The following MUC4 variants were observed in gnomAD, a reference collection of about 807,000 sequenced individuals.
The protein encoded by MUC4 is mucin 4, cell surface associated.
MUC4 carries 202 observed loss-of-function variants against 257.9 expected under a neutral mutation model. That is an observed-to-expected ratio of 0.78 (90% confidence interval 0.70 to 0.88). The LOEUF is 0.88. MUC4 is among the 40% of genes least tolerant of loss of function. The pLI is 0.00. For synonymous variants in MUC4, 2,351 were observed against 2,757.1 expected (o/e 0.85, Z 4.62); for missense variants, 5,976 against 6,513.7 (o/e 0.92, Z 2.84).
intron 7 of MUC4, among the ~76,000 whole-genome samples, chr3:195,768,531 G>A (rs750992116): frequency 2.6e-5 from 4 of 152,218 alleles, no homozygotes; most frequent in Non-Finnish European, 5.9e-5. Flanking sequence ...AGATGTCTGG[G>A]TTCAAATCTC....
At position 195,757,570 on chromosome 3, in the gene MUC4, G is replaced by T. The variant is rs1357776261; in HGVS notation, c.14987-242C>A. 2.0e-5 allele frequency among the ~76,000 whole-genome samples: 3 copies of T among 152,178 alleles called. No homozygotes were observed. The highest frequency in any genetic ancestry group is 7.2e-5 in the African/African-American group (3 of 41,436). ...AGCGGGGAACGCCACAGAGGGGAAA[G>T]CAGTTTCCTCCTGAAGAAACCCCAA... On this transcript the variant is annotated intron_variant, in intron 17 of 24. Coordinates refer to ENST00000463781, the MANE Select transcript of MUC4 (RefSeq NM_018406.7). The surrounding 1 kb of genome is among the most constrained non-coding windows in gnomAD (Gnocchi z 4.8).
At position 195,755,653 on chromosome 3, in the gene MUC4, C is replaced by G. The variant is rs999548819; in HGVS notation, c.15169-1281G>C. On this transcript the variant is annotated intron_variant, in intron 18 of 24. Coordinates refer to ENST00000463781, the MANE Select transcript of MUC4 (RefSeq NM_018406.7). This position sits in a 1 kb window ranked among gnomAD's most constrained non-coding sequence, Gnocchi z 5.0. ...TTCTAACTCCCTTACTGAAGCGACT[C>G]GGGGAATCTCCCTAAAATGGAATCC... Among the ~76,000 whole-genome samples the G allele has an allele frequency of 4.6e-5, 7 of 152,228 alleles. No individual in the cohort carries two copies. In the East Asian group the frequency reaches 1.2e-3, roughly 25 times the overall value.
Position 195,789,416 on chromosome 3 carries a change from C to G in MUC4, c.2164G>C (p.Ala722Pro). The change falls in exon 2 of 25, where the codon GCC becomes CCC. Residue 722 changes from alanine (A) to proline (P), a missense_variant. Coordinates refer to ENST00000463781, the MANE Select transcript of MUC4 (RefSeq NM_018406.7). ...ALQAAPSSHDATLGPSGGTSL... is the reference protein window; with the variant it reads ...ALQAAPSSHDPTLGPSGGTSL... ...GTGCCTCCTGAGGGCCCCAGGGTGG[C>G]ATCATGGCTGCTGGGTGCTGCCTGC... The G allele has an allele frequency of 6.2e-7, 1 of 1,613,934 alleles. No individual in the cohort carries two copies. The highest frequency in any genetic ancestry group is 8.5e-7 in the Non-Finnish European group (1 of 1,179,860).
intron 24 of MUC4, among the ~76,000 whole-genome samples, chr3:195,748,268 G>A (rs1248405028): frequency 6.6e-6 from 1 of 152,252 alleles, no homozygotes; most frequent in Non-Finnish European, 1.5e-5. Context: ...TCAGGTGGGA[G>A]GGTTTGACTT....
In MUC4 at chr3:195,765,348, A is replaced by T; in HGVS notation, c.13720T>A (p.Trp4574Arg). The T allele has an allele frequency of 6.2e-7, 1 of 1,613,730 alleles. No homozygotes were observed. The highest frequency in any genetic ancestry group is 8.5e-7 in the Non-Finnish European group (1 of 1,180,014). Residue 4574 changes from tryptophan to arginine, a missense_variant, in exon 9 of 25, where the codon TGG becomes AGG. Trp to Arg is a moderately radical substitution (Grantham distance 101). Transcript: ENST00000463781. ...WLKSQPRWPS[W>R]GWNQVSCPCS... ...GGGCAGGAGACCTGGTTCCAGCCCCAGCTGGGCCACCGAGGCTGGCTCTTC... is the reference window on the plus strand; with the variant it reads ...GGGCAGGAGACCTGGTTCCAGCCCCTGCTGGGCCACCGAGGCTGGCTCTTC...
chr3:195,793,134 GA>G (rs1316395675), intron 1 of MUC4, among the ~76,000 whole-genome samples: 1 of 143,448 alleles, frequency 7.0e-6, no homozygotes, highest in African/African-American at 2.6e-5. Context: ...AAGTAAAAAT[GA>G]AAAGAAATAA....
chr3:195,778,698 T>G (rs557103142), intron 2 of MUC4, 92 bp downstream of exon 2: 3 of 1,407,846 alleles, frequency 2.1e-6, no homozygotes, highest in Admixed American at 4.3e-5. Context: ...CACCAGGTAA[T>G]GCGAATGCAC....
Position 195,789,617 on chromosome 3 carries a change from C to A in MUC4, c.1963G>T (p.Val655Phe), listed in dbSNP as rs750630374. 3.1e-6 allele frequency: 5 copies of A among 1,613,868 alleles called. No homozygotes were observed. Among genetic ancestry groups the A allele is most frequent in the Non-Finnish European group, 4.2e-6 (5 of 1,179,860 alleles). ...GTCTTGGTGTCAGTCATGGGGGAGACGGACCTCGTGGTTTGTGATTCTTGT... is the reference window on the plus strand; with the variant it reads ...GTCTTGGTGTCAGTCATGGGGGAGAAGGACCTCGTGGTTTGTGATTCTTGT... ...TTQESQTTRSVSPMTDTKTVT... is the reference protein window; with the variant it reads ...TTQESQTTRSFSPMTDTKTVT... The change falls in exon 2 of 25, where the codon GTC becomes TTC. Residue 655 changes from valine (V) to phenylalanine (F), a missense_variant. Transcript: ENST00000463781.
rs112358974 is a variant in MUC4 at position 195,757,518 on chromosome 3, G to A, written c.14987-190C>T. On this transcript the variant is annotated intron_variant, in intron 17 of 24. Transcript: ENST00000463781. The surrounding 1 kb of genome is among the most constrained non-coding windows in gnomAD (Gnocchi z 4.8). Reference sequence around the variant, plus strand: ...TGGTCACGCTCCCAGCTGGAAGGACGTGGCACCAGTCCAACATACTGATTG... The same window carrying A: ...TGGTCACGCTCCCAGCTGGAAGGACATGGCACCAGTCCAACATACTGATTG... Among the ~76,000 whole-genome samples, 1,065 of 152,148 alleles carry A rather than the reference G, an allele frequency of 7.0e-3. 13 individuals carry two copies. The highest frequency in any genetic ancestry group is 0.025 in the African/African-American group (1,024 of 41,486).
At chr3:195,765,800 G>A (rs370751188) in intron 8 of MUC4, among the ~76,000 whole-genome samples, 14 of 152,334 alleles carry the variant, frequency 9.2e-5, no homozygotes, top group African/African-American at 3.4e-4. Context: ...AGGCGCCATT[G>A]TTTGCCTCTT....
At position 195,754,289 on chromosome 3, in the gene MUC4, C is replaced by A; in HGVS notation, c.15252G>T (p.Pro5084=). Residue 5084 remains proline, a synonymous_variant, in exon 19 of 25, where the codon CCG becomes CCT. Transcript: ENST00000463781. ...SEDACEEPCF[P]SVHCVPGKGC... ...CCTTCCCAGGAACGCAGTGGACACT[C>A]GGGAAGCACGGCTCCTCACAGGCAT... 1 of 1,613,908 alleles carries A rather than the reference C, an allele frequency of 6.2e-7. No homozygotes were observed. The highest frequency in any genetic ancestry group is 8.5e-7 in the Non-Finnish European group (1 of 1,180,010).
rs1715215143 is a variant in MUC4 at position 195,747,271 on chromosome 3, G to A, written c.16144C>T (p.Leu5382=). The A allele has an allele frequency of 1.2e-6, 2 of 1,614,228 alleles. No individual in the cohort carries two copies. Among genetic ancestry groups the A allele is most frequent in the East Asian group, 4.5e-5 (2 of 44,894 alleles). Residue 5382 remains leucine, a synonymous_variant, in exon 25 of 25, where the codon CTG becomes TTG. Coordinates refer to ENST00000463781, the MANE Select transcript of MUC4 (RefSeq NM_018406.7). Reference sequence around the variant, plus strand: ...ACCACGAACGTCCCGACCCCCAGCAGCAAGAGGCCGCCCAGGGCCCCAAAG... The same window carrying A: ...ACCACGAACGTCCCGACCCCCAGCAACAAGAGGCCGCCCAGGGCCCCAAAG... ...IFFGALGGLL[L]LGVGTFVVLR... is the part of the protein sequence containing the mutation.
intron 12 of MUC4, 80 bp downstream of exon 12, chr3:195,763,353 T>C: frequency 7.5e-7 from 1 of 1,327,638 alleles, no homozygotes; most frequent in Non-Finnish European, 9.8e-7. Flanking sequence ...CTTCGCTCTC[T>C]TCCTTCTCCT....
intron 1 of MUC4, among the ~76,000 whole-genome samples, chr3:195,803,810 C>T (rs941739720): frequency 2.0e-5 from 3 of 152,148 alleles, no homozygotes; most frequent in Non-Finnish European, 4.4e-5. Flanking sequence ...GGACTGCCAC[C>T]GAGTGGATGG....
intron 12 of MUC4, 28 bp from the exon 13 acceptor site, chr3:195,762,973 C>A: frequency 2.0e-6 from 3 of 1,503,888 alleles, no homozygotes; most frequent in East Asian, 2.5e-5. Context: ...GGGGCCTGAG[C>A]CCGACCCGCA....
chr3:195,789,061 G>A lies in MUC4; in HGVS notation c.2519C>T (p.Thr840Ile), dbSNP rs768479532. The A allele has an allele frequency of 1.2e-5, 20 of 1,613,762 alleles. No homozygotes were observed. Among genetic ancestry groups the A allele is most frequent in the Non-Finnish European group, 1.6e-5 (19 of 1,179,818 alleles). ...FSSNPSRDSH[T>I]TQSTTELLSA... ...CAGCAATTCGGTTGTTGACTGGGTT[G>A]TGTGACTGTCCCTGGAGGGGTTTGA... Residue 840 changes from threonine to isoleucine, a missense_variant, in exon 2 of 25, where the codon ACA becomes ATA. Physicochemically the swap from Thr to Ile is moderately conservative, Grantham distance 89. Transcript: ENST00000463781.
intron 3 of MUC4, among the ~76,000 whole-genome samples, chr3:195,776,803 A>G (rs1340591308): frequency 0.011 from 781 of 72,688 alleles, 33 homozygotes; most frequent in African/African-American, 0.047. Context: ...TACCTTCCAC[A>G]CCCATACCTT....
At chr3:195,799,260 T>TGTGTGTGTGTGTGTGA (rs1553889795) in intron 1 of MUC4, among the ~76,000 whole-genome samples, 26 of 149,228 alleles carry the variant, frequency 1.7e-4, no homozygotes, top group African/African-American at 4.5e-4. Flanking sequence ...TGTGTGTGTG[T>TGTGTGTGTGTGTGTGA]GACACTGTGT....
Position 195,751,516 on chromosome 3 carries a change from A to T in MUC4, c.15583-245T>A, listed in dbSNP as rs1050611956. 5 of 586,866 alleles carry T rather than the reference A, an allele frequency of 8.5e-6. No individual in the cohort carries two copies. The Admixed American group carries it at 1.5e-4, about 18-fold the overall frequency. 36.4% of individuals were successfully genotyped at this position (586,866 alleles called of 1,614,324 possible). A position where few individuals can be genotyped will look rare whatever the true frequency, so the allele number is the denominator to read the frequency against. ...TCCATTCTGTCCCCCCCTCAGCCTC[A>T]TATGACGAGCAGAGAATCTGACATG... On this transcript the variant is annotated intron_variant, in intron 21 of 24. Coordinates refer to ENST00000463781, the MANE Select transcript of MUC4 (RefSeq NM_018406.7).
Sources: gnomAD v4.1 joint callset for allele counts (sites outside exome capture counted in the v4.1 genomes callset) on GRCh38, gnomAD v4.1.1 for gene constraint, Gnocchi (gnomAD v3.1) non-coding constraint, MANE v1.5 for transcripts, NCBI Gene and HGNC (gene_info 2026-07-23, HGNC 2026-07-21) for gene names.